The following ADAM2 variants were observed in gnomAD, a reference collection of about 807,000 sequenced individuals.
The protein encoded by ADAM2 is ADAM metallopeptidase domain 2, also known as disintegrin and metalloproteinase domain-containing protein 2.
A neutral mutation model predicts 99.3 loss-of-function variants in ADAM2; 101 were observed. That is an observed-to-expected ratio of 1.02 (90% CI 0.87 to 1.20). The LOEUF is 1.20. ADAM2 is among the 50% of genes most tolerant of loss of function. ADAM2 has a pLI of 0.00. For missense variants in ADAM2, 948 were observed against 878.7 expected (o/e 1.08, Z -1.00); for synonymous variants, 323 against 287.6 (o/e 1.12, Z -1.25).
chr8:39,765,023 CAAAAAATAAATA>C (rs1254085051), intron 14 of ADAM2, among the ~76,000 whole-genome samples: 3 of 123,870 alleles, frequency 2.4e-5, no homozygotes, highest in South Asian at 3.1e-4. Context: ...ACTCCGGCTC[CAAAAAATAAATA>C]AATAAATAAA....
chr8:39,781,970 A>G (rs1291680047), intron 10 of ADAM2, among the ~76,000 whole-genome samples: 1 of 152,152 alleles, frequency 6.6e-6, no homozygotes, highest in Non-Finnish European at 1.5e-5. Context: ...TTGGAGGAAA[A>G]CTAACCTTTT....
At chr8:39,787,949 T>C (rs1021462893) in intron 9 of ADAM2, 136 bp downstream of exon 9, 9 of 529,348 alleles carry the variant, frequency 1.7e-5, no homozygotes, top group South Asian at 9.5e-5. Context: ...AAATACCATG[T>C]TGTGAAAAAT....
intron 11 of ADAM2, among the ~76,000 whole-genome samples, chr8:39,769,875 T>C (rs1333995480): frequency 2.6e-5 from 4 of 152,208 alleles, no homozygotes; most frequent in South Asian, 4.1e-4. Flanking sequence ...TTGTGCTCTT[T>C]CTTTTTATAA....
Position 39,775,517 on chromosome 8 carries a change from TG to T in ADAM2, c.1028+1507del, listed in dbSNP as rs1163737731. ...GATATATTGTTTACAAATATGTGCATGGGGCATGGGGACATTTACCATCCCC... is the reference window on the plus strand; with the variant it reads ...GATATATTGTTTACAAATATGTGCATGGGCATGGGGACATTTACCATCCCC... On this transcript the variant is annotated intron_variant, in intron 11 of 20. Transcript: ENST00000265708. 9.9e-5 allele frequency among the ~76,000 whole-genome samples: 15 copies of T among 152,272 alleles called. No homozygotes were observed. In the South Asian group the frequency reaches 1.0e-3, roughly 11 times the overall value.
At chr8:39,797,757 A>G (rs1804032109) in intron 7 of ADAM2, among the ~76,000 whole-genome samples, 1 of 152,090 alleles carries the variant, frequency 6.6e-6, no homozygotes, top group Admixed American at 6.6e-5. Context: ...GGTCCTTCAC[A>G]TCCTTTGTTA....
At chr8:39,821,722 A>C in intron 4 of ADAM2, 60 bp from the exon 5 acceptor site, 1 of 1,165,300 alleles carries the variant, frequency 8.6e-7, no homozygotes, top group Non-Finnish European at 1.3e-6. Context: ...TACAATTTTC[A>C]AATATGTAAA....
intron 11 of ADAM2, among the ~76,000 whole-genome samples, chr8:39,773,977 A>G (rs1428103083): frequency 6.6e-6 from 1 of 151,982 alleles, no homozygotes; most frequent in Non-Finnish European, 1.5e-5. Context: ...GGATTAATAC[A>G]TTAAAAGGAT....
intron 3 of ADAM2, among the ~76,000 whole-genome samples, chr8:39,833,057 G>A (rs1279686267): frequency 6.6e-6 from 1 of 152,002 alleles, no homozygotes; most frequent in African/African-American, 2.4e-5. Flanking sequence ...AATTTCAGAG[G>A]ATGCTTTACT....
At position 39,766,895 on chromosome 8, in the gene ADAM2, C is replaced by G; in HGVS notation, c.1460G>C (p.Gly487Ala). The G allele has an allele frequency of 6.2e-7, 1 of 1,613,776 alleles. No individual in the cohort carries two copies. Among genetic ancestry groups the G allele is most frequent in the South Asian group, 1.1e-5 (1 of 91,022 alleles). Residue 487 changes from glycine to alanine, a missense_variant, in exon 14 of 21, where the codon GGA becomes GCA. Coordinates refer to ENST00000265708, the MANE Select transcript of ADAM2 (RefSeq NM_001464.5). Reference protein sequence around the residue: ...CGLNQWICIDGVCMSGDKQCT... With the variant: ...CGLNQWICIDAVCMSGDKQCT... ...TTGTTTATCCCCACTCATACAAACT[C>G]CATCTATACAGATCCATTGATTCAG...
At chr8:39,756,266 C>G (rs1484135097) in intron 15 of ADAM2, among the ~76,000 whole-genome samples, 1 of 152,130 alleles carries the variant, frequency 6.6e-6, no homozygotes, top group Non-Finnish European at 1.5e-5. Context: ...AACCCAAGCT[C>G]AAATGAATTT....
intron 6 of ADAM2, among the ~76,000 whole-genome samples, chr8:39,814,167 G>A (rs1260007197): frequency 1.3e-5 from 2 of 151,926 alleles, no homozygotes; most frequent in African/African-American, 2.4e-5. Flanking sequence ...AGACCAGCCT[G>A]GCCAACATGG....
intron 18 of ADAM2, 93 bp from the exon 19 acceptor site, chr8:39,746,724 T>G: frequency 1.0e-6 from 1 of 971,700 alleles, no homozygotes; most frequent in South Asian, 1.6e-5. Flanking sequence ...AAATAAAATC[T>G]TTGAACAATT....
rs1803014600 is a variant in ADAM2 at position 39,776,991 on chromosome 8, T to C, written c.1028+34A>G. 2.4e-6 allele frequency: 3 copies of C among 1,264,550 alleles called. No individual in the cohort carries two copies. The East Asian group carries it at 7.2e-5, about 30-fold the overall frequency. The allele number at this position is 1,264,550 out of a possible 1,614,324, so 78.3% of individuals were successfully genotyped here. A position where few individuals can be genotyped will look rare whatever the true frequency, so the allele number is the denominator to read the frequency against. ...TAAATACATTAAAATTACATTAAAC[T>C]ATATATGTAAAGTATAAAAGTCAGA... On this transcript the variant is annotated intron_variant, in intron 11 of 20. Transcript: ENST00000265708.
At chr8:39,746,446 A>G in intron 19 of ADAM2, 26 bp downstream of exon 19, 2 of 1,450,300 alleles carry the variant, frequency 1.4e-6, no homozygotes, top group Non-Finnish European at 1.9e-6. Flanking sequence ...TACAAATAAC[A>G]AATCTTAAAT....
intron 6 of ADAM2, among the ~76,000 whole-genome samples, chr8:39,812,838 C>A (rs1804762248): frequency 6.6e-6 from 1 of 152,128 alleles, no homozygotes; most frequent in African/African-American, 2.4e-5. Flanking sequence ...CTAGGCAATA[C>A]CATTCAGGAC....
At chr8:39,826,595 C>A (rs1314122389) in intron 3 of ADAM2, among the ~76,000 whole-genome samples, 1 of 151,566 alleles carries the variant, frequency 6.6e-6, no homozygotes, top group African/African-American at 2.4e-5. Flanking sequence ...TGGTGGTGGG[C>A]GCCTGTAGTC....
At chr8:39,784,421 C>T (rs1486621229) in intron 10 of ADAM2, among the ~76,000 whole-genome samples, 7 of 152,096 alleles carry the variant, frequency 4.6e-5, no homozygotes, top group South Asian at 2.1e-4. Context: ...TGCTCTGTTG[C>T]CCAGGCTGGA....
At chr8:39,833,101 T>G (rs1157157134) in intron 3 of ADAM2, among the ~76,000 whole-genome samples, 1 of 152,142 alleles carries the variant, frequency 6.6e-6, no homozygotes, top group African/African-American at 2.4e-5. Flanking sequence ...TCTCATAACT[T>G]GACATTCTAA....
intron 2 of ADAM2, among the ~76,000 whole-genome samples, chr8:39,836,206 T>C (rs1199144266): frequency 7.0e-6 from 1 of 142,054 alleles, no homozygotes; most frequent in Non-Finnish European, 1.5e-5. Flanking sequence ...AAAATGGGCA[T>C]TTTTTTTTAC....
Sources: gnomAD v4.1 joint callset for allele counts (sites outside exome capture counted in the v4.1 genomes callset) on GRCh38, gnomAD v4.1.1 for gene constraint, MANE v1.5 for transcripts, NCBI Gene and HGNC (gene_info 2026-07-23, HGNC 2026-07-21) for gene names.